TAFA1: variants seen among roughly 807,000 people sequenced by gnomAD.
TAFA1 encodes the protein TAFA chemokine like family member 1.
A neutral mutation model predicts 18.5 loss-of-function variants in TAFA1; 4 were observed. The ratio of observed to expected loss-of-function variants is 0.22; its 90% CI spans 0.11 to 0.49. The LOEUF (loss-of-function observed/expected upper bound fraction) is 0.49, where lower values mean the gene tolerates loss of function less well. Among genes scored for constraint, TAFA1 ranks in the 20% least tolerant of loss-of-function variants. The pLI is 0.98. For missense variants in TAFA1, 147 were observed against 169.0 expected, an observed-to-expected ratio of 0.87 and a Z score of 0.72; for synonymous variants, 56 against 55.2, an observed-to-expected ratio of 1.01 and a Z score of -0.06.
rs567256205 is a variant in TAFA1 at position 68,268,397 on chromosome 3, T to A, written c.119-148883T>A. Among the ~76,000 whole-genome samples the A allele has an allele frequency of 5.9e-5, 9 of 152,238 alleles. No individual in the cohort carries two copies. In the South Asian group the frequency reaches 1.5e-3, roughly 25 times the overall value. On this transcript the variant is annotated intron_variant, in intron 2 of 4. Transcript: ENST00000478136. Reference sequence around the variant, plus strand: ...ACCAAAAACGTGTGGCCCCCGTGACTCAACTCATTGTGGGTGTGGAGACAT... The same window carrying A: ...ACCAAAAACGTGTGGCCCCCGTGACACAACTCATTGTGGGTGTGGAGACAT...
intron 2 of TAFA1, among the ~76,000 whole-genome samples, chr3:68,174,465 C>G (rs2106967029): frequency 6.6e-6 from 1 of 152,130 alleles, no homozygotes; most frequent in South Asian, 2.1e-4. Context: ...CAATAAGGTC[C>G]AGGCTGAGGT....
In TAFA1 at chr3:68,425,164, A is replaced by G. The variant is rs527503804; in HGVS notation, c.259+7744A>G. ...TGAAAAACCCTAAGCCCCTATTTAT[A>G]TTCACAAATATTAAACGTTTTTGGG... is the stretch of plus-strand genomic sequence containing the variant. On this transcript the variant is annotated intron_variant, in intron 3 of 4. Transcript: ENST00000478136. Among the ~76,000 whole-genome samples the G allele has an allele frequency of 2.0e-5, 3 of 152,028 alleles. No homozygotes were observed. In the East Asian group the frequency reaches 5.8e-4, roughly 29 times the overall value.
intron 2 of TAFA1, among the ~76,000 whole-genome samples, chr3:68,409,486 C>G (rs963011521): frequency 6.6e-6 from 1 of 152,112 alleles, no homozygotes; most frequent in African/African-American, 2.4e-5. Context: ...TTCCCCTGCA[C>G]TCTCTCTCCT....
intron 2 of TAFA1, among the ~76,000 whole-genome samples, chr3:68,192,924 A>G (rs552682849): frequency 6.6e-6 from 1 of 151,696 alleles, no homozygotes; most frequent in Non-Finnish European, 1.5e-5. Context: ...GAGTGTGGAA[A>G]TGTGTCCATA....
chr3:68,395,113 C>T (rs1228288375), intron 2 of TAFA1, among the ~76,000 whole-genome samples: 1 of 152,068 alleles, frequency 6.6e-6, no homozygotes, highest in Non-Finnish European at 1.5e-5. Flanking sequence ...AAGCTAACAA[C>T]CCCATCAAAA....
chr3:68,418,697 C>T (rs916754290), intron 3 of TAFA1, among the ~76,000 whole-genome samples: 12 of 152,148 alleles, frequency 7.9e-5, no homozygotes, highest in Non-Finnish European at 1.8e-4. Flanking sequence ...TGAGCACTTA[C>T]TGTATTCCAG....
chr3:68,088,574 T>C (rs929710543), intron 2 of TAFA1, among the ~76,000 whole-genome samples: 1 of 152,158 alleles, frequency 6.6e-6, no homozygotes, highest in African/African-American at 2.4e-5. Flanking sequence ...GTCTAGCAAT[T>C]TTGAACCTGT....
At chr3:68,030,019 C>T (rs550114670) in intron 2 of TAFA1, among the ~76,000 whole-genome samples, 3 of 152,112 alleles carry the variant, frequency 2.0e-5, no homozygotes, top group Non-Finnish European at 4.4e-5. Flanking sequence ...GATGTTCAAC[C>T]TTCTGTCAAG....
intron 2 of TAFA1, among the ~76,000 whole-genome samples, chr3:68,122,398 C>A (rs925242229): frequency 5.9e-5 from 9 of 151,920 alleles, no homozygotes; most frequent in Non-Finnish European, 8.8e-5. Context: ...CTGTGTAATG[C>A]CAGTTATCAA....
intron 4 of TAFA1, among the ~76,000 whole-genome samples, chr3:68,539,487 C>G (rs767575451): frequency 2.0e-5 from 3 of 151,908 alleles, no homozygotes; most frequent in Non-Finnish European, 2.9e-5. Context: ...AGATATTAAC[C>G]CTGTAGTTAC....
intron 3 of TAFA1, among the ~76,000 whole-genome samples, chr3:68,462,317 C>T (rs553018686): frequency 2.2e-4 from 33 of 152,044 alleles, no homozygotes; most frequent in Non-Finnish European, 4.3e-4. Flanking sequence ...GAGGGGTAAT[C>T]GAATCATGGG....
intron 2 of TAFA1, among the ~76,000 whole-genome samples, chr3:68,256,461 TA>T (rs1456607105): frequency 1.3e-5 from 2 of 152,102 alleles, no homozygotes; most frequent in Non-Finnish European, 2.9e-5. Flanking sequence ...GGGATAATAA[TA>T]GTACCTATCT....
At chr3:68,426,294 C>T (rs1201412713) in intron 3 of TAFA1, among the ~76,000 whole-genome samples, 2 of 151,802 alleles carry the variant, frequency 1.3e-5, no homozygotes, top group Non-Finnish European at 2.9e-5. Context: ...CTAATCCTCT[C>T]ACATCATAAT....
chr3:68,080,463 G>T (rs949430521), intron 2 of TAFA1, among the ~76,000 whole-genome samples: 2 of 152,138 alleles, frequency 1.3e-5, no homozygotes, highest in Admixed American at 6.5e-5. Context: ...GGTTGTTCCT[G>T]TCCATGTTTA....
chr3:68,395,897 A>G (rs909022551), intron 2 of TAFA1, among the ~76,000 whole-genome samples: 1 of 152,100 alleles, frequency 6.6e-6, no homozygotes, highest in African/African-American at 2.4e-5. Context: ...TGGCACATGT[A>G]TACCTATGTA....
At chr3:68,515,985 C>T (rs2072914660) in intron 3 of TAFA1, among the ~76,000 whole-genome samples, 1 of 152,238 alleles carries the variant, frequency 6.6e-6, no homozygotes, top group Non-Finnish European at 1.5e-5. Context: ...TGCACTGGCC[C>T]TTACTTCCCA....
chr3:68,513,013 TG>T (rs2072872631), intron 3 of TAFA1, among the ~76,000 whole-genome samples: 1 of 152,278 alleles, frequency 6.6e-6, no homozygotes, highest in Admixed American at 6.5e-5. Context: ...ATGTTGTGTG[TG>T]GTAGACTCAC....
At chr3:68,284,652 G>T (rs529055091) in intron 2 of TAFA1, among the ~76,000 whole-genome samples, 1 of 152,096 alleles carries the variant, frequency 6.6e-6, no homozygotes, top group Non-Finnish European at 1.5e-5. Context: ...AGCAGGCCAG[G>T]CATGGTGATT....
At chr3:68,003,536 C>A (rs1265335313), upstream of TAFA1, among the ~76,000 whole-genome samples, 10 of 152,044 alleles carry the variant, frequency 6.6e-5, no homozygotes, top group Admixed American at 6.6e-4. Context: ...GAATTATTAC[C>A]AGCACAATCT....
Sources: allele counts gnomAD v4.1 joint callset (sites outside exome capture counted in the v4.1 genomes callset), GRCh38; gene constraint gnomAD v4.1.1; transcripts MANE v1.5; gene names NCBI Gene and HGNC (gene_info 2026-07-23, HGNC 2026-07-21).